Variants in HYCC1 observed in about 807,000 individuals in gnomAD.
HYCC1 encodes the protein hyccin PI4KA lipid kinase complex subunit 1.
the HYCC1 span, chr7:22,978,215 G>T: frequency 6.7e-7 from 1 of 1,503,302 alleles, no homozygotes; most frequent in Non-Finnish European, 9.2e-7. Context: ...AGTTGCACAG[G>T]TTATATATTT....
At chr7:22,896,540 C>T in the HYCC1 span, among the ~76,000 whole-genome samples, 2 of 152,210 alleles carry the variant, frequency 1.3e-5, no homozygotes, top group South Asian at 4.1e-4. Flanking sequence ...TTCCAATTTA[C>T]TGACAAACTC....
chr7:22,956,743 G>T, the HYCC1 span, among the ~76,000 whole-genome samples: 1 of 151,622 alleles, frequency 6.6e-6, no homozygotes. Context: ...ACTCAATTTG[G>T]CTGTTAACCT....
the HYCC1 span, among the ~76,000 whole-genome samples, chr7:22,988,552 G>T: frequency 5.9e-5 from 9 of 151,350 alleles, no homozygotes. Flanking sequence ...TACTCACTGC[G>T]ACCAGGGTGC....
At chr7:22,982,110 T>TA in the HYCC1 span, among the ~76,000 whole-genome samples, 4,008 of 152,306 alleles carry the variant, frequency 0.026, 163 homozygotes, top group African/African-American at 0.091. Flanking sequence ...CAACATTTGT[T>TA]AAAAAACATA....
the HYCC1 span, chr7:22,946,134 G>A: frequency 4.3e-6 from 7 of 1,612,902 alleles, no homozygotes; most frequent in East Asian, 4.5e-5. Flanking sequence ...ATCTCCATCA[G>A]TTCTTCTTGA....
chr7:22,959,013 T>C, the HYCC1 span, among the ~76,000 whole-genome samples: 1 of 152,152 alleles, frequency 6.6e-6, no homozygotes, highest in Non-Finnish European at 1.5e-5. Flanking sequence ...GGGTAAACCA[T>C]ATCTAATTAA....
At chr7:22,980,504 T>C in the HYCC1 span, among the ~76,000 whole-genome samples, 3 of 152,150 alleles carry the variant, frequency 2.0e-5, no homozygotes, top group African/African-American at 4.8e-5. Context: ...AACAAGTCTG[T>C]ATCCTAAGAG....
At chr7:22,947,073 G>C in the HYCC1 span, 1 of 1,550,274 alleles carries the variant, frequency 6.5e-7, no homozygotes, top group Non-Finnish European at 8.7e-7. Flanking sequence ...TTTGCTCTCA[G>C]TTCTAGGATC....
At chr7:22,929,482 A>C in the HYCC1 span, among the ~76,000 whole-genome samples, 2 of 152,224 alleles carry the variant, frequency 1.3e-5, no homozygotes, top group Admixed American at 6.5e-5. Flanking sequence ...CAATGAACTC[A>C]AACAAATTTA....
the HYCC1 span, chr7:22,942,369 CATAGTGGT>C: frequency 6.6e-6 from 1 of 152,132 alleles, no homozygotes; most frequent in African/African-American, 2.4e-5. Flanking sequence ...TAAAAATTTC[CATAGTGGT>C]ATACAAAGGA....
the HYCC1 span, among the ~76,000 whole-genome samples, chr7:22,896,612 G>A: frequency 6.6e-6 from 1 of 152,132 alleles, no homozygotes; most frequent in South Asian, 2.1e-4. Context: ...ATTGTCTTTT[G>A]GTTATTGCAT....
the HYCC1 span, chr7:22,991,287 T>C: frequency 8.8e-6 from 5 of 571,176 alleles, no homozygotes; most frequent in Admixed American, 6.4e-5. Context: ...TCAAAACCAA[T>C]GTGCACAAAC....
At chr7:23,005,305 T>TA in the HYCC1 span, among the ~76,000 whole-genome samples, 1 of 152,222 alleles carries the variant, frequency 6.6e-6, no homozygotes, top group Admixed American at 6.5e-5. Context: ...CTGTGAATGA[T>TA]AGATAATAAC....
the HYCC1 span, among the ~76,000 whole-genome samples, chr7:22,957,116 T>A: frequency 2.0e-5 from 3 of 151,902 alleles, no homozygotes; most frequent in East Asian, 5.8e-4. Flanking sequence ...CAATGTGAGA[T>A]TGGGCTGTAA....
chr7:22,951,552 G>A, the HYCC1 span, among the ~76,000 whole-genome samples: 23 of 143,112 alleles, frequency 1.6e-4, no homozygotes, highest in Non-Finnish European at 2.8e-4. Context: ...TTTATGAGAT[G>A]TAGATATTTT....
the HYCC1 span, among the ~76,000 whole-genome samples, chr7:22,916,533 C>T: frequency 6.6e-6 from 1 of 152,182 alleles, no homozygotes; most frequent in Admixed American, 6.5e-5. Flanking sequence ...AGGACCACAT[C>T]CTGTAGCCTT....
the HYCC1 span, among the ~76,000 whole-genome samples, chr7:23,006,378 C>T: frequency 7.9e-5 from 12 of 151,940 alleles, no homozygotes; most frequent in Non-Finnish European, 4.4e-5. Flanking sequence ...GCCATTCTCC[C>T]GCCTCAGCCT....
the HYCC1 span, among the ~76,000 whole-genome samples, chr7:22,904,174 G>A: frequency 2.6e-4 from 40 of 152,172 alleles, no homozygotes; most frequent in South Asian, 8.1e-3. Context: ...GCTCATGCCT[G>A]TAATCCCAGC....
the HYCC1 span, among the ~76,000 whole-genome samples, chr7:22,981,439 T>C: frequency 6.6e-6 from 1 of 152,162 alleles, no homozygotes; most frequent in Admixed American, 6.5e-5. Context: ...ACACAAAATA[T>C]TCTAAACAGC....
Sources: allele counts gnomAD v4.1 joint callset (sites outside exome capture counted in the v4.1 genomes callset), GRCh38; gene constraint gnomAD v4.1.1; transcripts MANE v1.5; gene names NCBI Gene and HGNC (gene_info 2026-07-23, HGNC 2026-07-21).